TMEM163: variants seen among roughly 807,000 people sequenced by gnomAD.
TMEM163 encodes the protein transmembrane protein 163.
TMEM163 carries 17 observed loss-of-function variants against 29.3 expected under a neutral mutation model. The observed-to-expected ratio is 0.58, with a 90% CI of 0.40 to 0.87. The LOEUF (loss-of-function observed/expected upper bound fraction) is 0.87, where lower values mean the gene tolerates loss of function less well. TMEM163 is among the 40% of genes least tolerant of loss of function. The pLI is 0.00. For missense variants in TMEM163, 303 were observed against 381.5 expected, an observed-to-expected ratio of 0.79 and a Z score of 1.71; for synonymous variants, 157 against 160.6, an observed-to-expected ratio of 0.98 and a Z score of 0.17.
chr2:134,587,752 T>A (rs1183870267), intron 2 of TMEM163, among the ~76,000 whole-genome samples: 1 of 152,194 alleles, frequency 6.6e-6, no homozygotes, highest in Admixed American at 6.5e-5. Context: ...ATCCACACAA[T>A]GTGGAAAACC....
intron 5 of TMEM163, among the ~76,000 whole-genome samples, chr2:134,484,230 A>AT (rs1463136122): frequency 6.6e-6 from 1 of 152,004 alleles, no homozygotes; most frequent in Non-Finnish European, 1.5e-5. Flanking sequence ...GCGTGGAGGA[A>AT]AAAAAAACAC....
intron 2 of TMEM163, among the ~76,000 whole-genome samples, chr2:134,648,511 C>T (rs1683391723): frequency 6.6e-6 from 1 of 152,024 alleles, no homozygotes; most frequent in Admixed American, 6.5e-5. Context: ...GGGGACCCAC[C>T]CTCTTCTGCC....
chr2:134,540,939 G>A (rs1193720614), intron 4 of TMEM163, among the ~76,000 whole-genome samples: 3 of 152,224 alleles, frequency 2.0e-5, no homozygotes, highest in Non-Finnish European at 1.5e-5. Flanking sequence ...AAAGAAGACA[G>A]TTAAGGAATA....
intron 6 of TMEM163, among the ~76,000 whole-genome samples, chr2:134,464,211 A>G (rs1686612407): frequency 1.3e-5 from 2 of 152,254 alleles, no homozygotes; most frequent in South Asian, 2.1e-4. Context: ...TGCTGGTCAC[A>G]TGGCATGCAG....
intron 4 of TMEM163, among the ~76,000 whole-genome samples, chr2:134,527,773 G>A (rs1297560934): frequency 6.6e-6 from 1 of 152,198 alleles, no homozygotes; most frequent in African/African-American, 2.4e-5. Context: ...AGCATGGAAA[G>A]CCCTCTGATG....
chr2:134,658,358 T>C (rs567284859), intron 2 of TMEM163, among the ~76,000 whole-genome samples: 1 of 152,180 alleles, frequency 6.6e-6, no homozygotes, highest in Non-Finnish European at 1.5e-5. Flanking sequence ...AAGGCCTTTG[T>C]GAGGTTTTGT....
At chr2:134,632,909 A>ATTTTTTTTTTTTT (rs57488299) in intron 2 of TMEM163, among the ~76,000 whole-genome samples, 6 of 118,634 alleles carry the variant, frequency 5.1e-5, no homozygotes, top group Admixed American at 9.2e-5. Flanking sequence ...CACCCAGCTA[A>ATTTTTTTTTTTTT]TTTTTTTTTT....
intron 2 of TMEM163, among the ~76,000 whole-genome samples, chr2:134,661,386 G>C (rs1291598131): frequency 6.6e-6 from 1 of 152,164 alleles, no homozygotes; most frequent in Non-Finnish European, 1.5e-5. Context: ...ACATACACAT[G>C]CATAATTTTC....
intron 7 of TMEM163, 138 bp from the exon 8 acceptor site, chr2:134,456,914 A>G (rs1574144256): frequency 1.2e-6 from 1 of 834,012 alleles, no homozygotes; most frequent in Non-Finnish European, 1.9e-6. Context: ...GGTTTTTAGT[A>G]TATTCATCCA....
At chr2:134,491,066 G>A (rs1679418196) in intron 5 of TMEM163, among the ~76,000 whole-genome samples, 1 of 152,156 alleles carries the variant, frequency 6.6e-6, no homozygotes, top group Admixed American at 6.5e-5. Context: ...ACCTTACAGA[G>A]AGAAAGAAGA....
intron 4 of TMEM163, among the ~76,000 whole-genome samples, chr2:134,523,508 C>G (rs1680230415): frequency 6.6e-6 from 1 of 152,156 alleles, no homozygotes; most frequent in Non-Finnish European, 1.5e-5. Flanking sequence ...TTTCAAAATC[C>G]ATTACTGAGA....
chr2:134,694,467 AC>A (rs1346617444), intron 2 of TMEM163, among the ~76,000 whole-genome samples: 2 of 152,234 alleles, frequency 1.3e-5, no homozygotes, highest in African/African-American at 4.8e-5. Flanking sequence ...ACTTAAAGGT[AC>A]TGAGATTTAC....
chr2:134,585,677 G>T (rs1418325127), intron 2 of TMEM163, among the ~76,000 whole-genome samples: 3 of 151,434 alleles, frequency 2.0e-5, no homozygotes, highest in Non-Finnish European at 2.9e-5. Flanking sequence ...GGGAGGCGGA[G>T]CTTGCAGTGA....
intron 4 of TMEM163, among the ~76,000 whole-genome samples, chr2:134,511,523 GA>G (rs1679949441): frequency 6.6e-6 from 1 of 152,228 alleles, no homozygotes; most frequent in South Asian, 2.1e-4. Context: ...GACATGGGTG[GA>G]AGCGGGGAGA....
intron 2 of TMEM163, among the ~76,000 whole-genome samples, chr2:134,652,864 A>C (rs1169481140): frequency 4.0e-5 from 3 of 75,364 alleles, no homozygotes; most frequent in Admixed American, 2.7e-4. Context: ...ATTTGCGTAT[A>C]TTGAACCAGC....
At chr2:134,630,501 G>C (rs1485277514) in intron 2 of TMEM163, among the ~76,000 whole-genome samples, 1 of 152,180 alleles carries the variant, frequency 6.6e-6, no homozygotes. Flanking sequence ...CAGGGCGAGA[G>C]GGAAAAGCCC....
At chr2:134,632,562 A>G (rs1188930283) in intron 2 of TMEM163, among the ~76,000 whole-genome samples, 6 of 152,218 alleles carry the variant, frequency 3.9e-5, no homozygotes, top group Non-Finnish European at 8.8e-5. Context: ...CGATCAAAGT[A>G]CAGCAGATGT....
intron 2 of TMEM163, among the ~76,000 whole-genome samples, chr2:134,614,866 A>AG (rs1038261303): frequency 2.0e-5 from 3 of 152,074 alleles, no homozygotes; most frequent in African/African-American, 7.2e-5. Flanking sequence ...AAAAAAAAAA[A>AG]CAAAACACAT....
chr2:134,684,606 T>C (rs1254763143), intron 2 of TMEM163, among the ~76,000 whole-genome samples: 1 of 152,058 alleles, frequency 6.6e-6, no homozygotes, highest in African/African-American at 2.4e-5. Flanking sequence ...CCCCACACCC[T>C]CAGTGTTTTG....
Sources: gnomAD v4.1 joint callset for allele counts (sites outside exome capture counted in the v4.1 genomes callset) on GRCh38, gnomAD v4.1.1 for gene constraint, MANE v1.5 for transcripts, NCBI Gene and HGNC (gene_info 2026-07-23, HGNC 2026-07-21) for gene names.